Variants in C8orf89 observed in about 807,000 individuals in gnomAD.
The protein encoded by C8orf89 is putative uncharacterized protein C8orf89.
In C8orf89, 14 loss-of-function variants were observed where a neutral mutation model predicts 15.8. The ratio of observed to expected loss-of-function variants is 0.89; its 90% CI spans 0.59 to 1.39. C8orf89 has a LOEUF of 1.39. C8orf89 is among the 40% of genes most tolerant of loss of function. The probability of loss-of-function intolerance (pLI) is 0.00; values close to 1 mark genes in which losing one functional copy is unlikely to be tolerated. For synonymous variants in C8orf89, 55 were observed against 62.2 expected, an observed-to-expected ratio of 0.88 and a Z score of 0.54; for missense variants, 181 against 184.5, an observed-to-expected ratio of 0.98 and a Z score of 0.11.
intron 2 of C8orf89, among the ~76,000 whole-genome samples, chr8:73,255,303 G>A (rs1167200522): frequency 3.9e-5 from 6 of 152,166 alleles, no homozygotes; most frequent in African/African-American, 1.4e-4. Context: ...CAAAAAGTGG[G>A]CGAAGGACAC....
At chr8:73,254,578 T>C (rs1466042948) in intron 2 of C8orf89, among the ~76,000 whole-genome samples, 2 of 152,132 alleles carry the variant, frequency 1.3e-5, no homozygotes, top group Non-Finnish European at 2.9e-5. Flanking sequence ...TGCAGCTTTA[T>C]CCAGGGGACG....
chr8:73,284,634 A>T, the C8orf89 span, among the ~76,000 whole-genome samples: 1 of 152,222 alleles, frequency 6.6e-6, no homozygotes, highest in Non-Finnish European at 1.5e-5. Context: ...AACAAGGATT[A>T]AAAAGTAAAG....
chr8:73,252,956 A>C (rs1458948014), intron 2 of C8orf89, among the ~76,000 whole-genome samples: 1 of 152,194 alleles, frequency 6.6e-6, no homozygotes, highest in Non-Finnish European at 1.5e-5. Flanking sequence ...CCTGGCTAAC[A>C]GGGTGAAACC....
chr8:73,284,580 AAAC>A, the C8orf89 span, among the ~76,000 whole-genome samples: 1 of 152,170 alleles, frequency 6.6e-6, no homozygotes, highest in African/African-American at 2.4e-5. Flanking sequence ...TATGACCAAA[AAAC>A]AAAGGAAAAA....
chr8:73,281,901 T>C, the C8orf89 span, among the ~76,000 whole-genome samples: 1 of 152,236 alleles, frequency 6.6e-6, no homozygotes, highest in Non-Finnish European at 1.5e-5. Flanking sequence ...TAGTTTCTCC[T>C]TGCCTTTCTG....
At chr8:73,266,546 T>C in the C8orf89 span, among the ~76,000 whole-genome samples, 1 of 152,208 alleles carries the variant, frequency 6.6e-6, no homozygotes, top group African/African-American at 2.4e-5. Context: ...ACGTACAGGA[T>C]CTACCTTATG....
At chr8:73,285,332 G>A in the C8orf89 span, among the ~76,000 whole-genome samples, 1 of 152,140 alleles carries the variant, frequency 6.6e-6, no homozygotes, top group Non-Finnish European at 1.5e-5. Context: ...TCCGGCAGGC[G>A]GACCCGCTTC....
At chr8:73,278,395 T>G in the C8orf89 span, among the ~76,000 whole-genome samples, 30,498 of 152,106 alleles carry the variant, frequency 0.2, 3,134 homozygotes, top group Middle Eastern at 0.23. Context: ...CTCATTATTT[T>G]CTTTTTAAAA....
chr8:73,282,686 C>G, the C8orf89 span, among the ~76,000 whole-genome samples: 1 of 152,164 alleles, frequency 6.6e-6, no homozygotes, highest in Non-Finnish European at 1.5e-5. Flanking sequence ...GGTTTCTATT[C>G]ACAGCTATGC....
chr8:73,283,533 T>C, the C8orf89 span, among the ~76,000 whole-genome samples: 2 of 152,226 alleles, frequency 1.3e-5, no homozygotes, highest in South Asian at 4.1e-4. Context: ...TTCAGCACAG[T>C]ACCTGACATG....
At chr8:73,277,753 G>A in the C8orf89 span, 4 of 743,692 alleles carry the variant, frequency 5.4e-6, no homozygotes, top group Non-Finnish European at 7.6e-6. Flanking sequence ...ATGGGTTTTA[G>A]GGAGGACAGA....
the C8orf89 span, among the ~76,000 whole-genome samples, chr8:73,271,432 G>A: frequency 1.3e-5 from 2 of 152,234 alleles, no homozygotes; most frequent in East Asian, 3.9e-4. Flanking sequence ...TCAGGAGAGG[G>A]AGTTGTGATA....
chr8:73,256,883 T>G, intron 2 of C8orf89, 90 bp downstream of exon 2: 1 of 776,382 alleles, frequency 1.3e-6, no homozygotes, highest in Non-Finnish European at 1.8e-6. Context: ...CAAAAATGAA[T>G]GCAATTCACT....
chr8:73,276,358 A>G, the C8orf89 span, among the ~76,000 whole-genome samples: 1 of 152,020 alleles, frequency 6.6e-6, no homozygotes, highest in African/African-American at 2.4e-5. Flanking sequence ...TTGTATTTTT[A>G]GTAGAGACGG....
At chr8:73,267,005 C>T in the C8orf89 span, among the ~76,000 whole-genome samples, 2 of 152,056 alleles carry the variant, frequency 1.3e-5, no homozygotes, top group African/African-American at 4.8e-5. Context: ...TGCCAACTGA[C>T]CAAAGATAGG....
In C8orf89 at chr8:73,259,387, C is replaced by G; in HGVS notation, c.72G>C (p.Leu24Phe). ...KFTRSSFGSC[L>F]IFESSWKKAV... ...CTTTCTTCCAACTACTCTCAAAAAT[C>G]AAACAACTGCCAAAGGAACTTCTGG... Residue 24 changes from leucine (L) to phenylalanine (F), a missense_variant, in exon 1 of 4, where the codon TTG (leucine) becomes TTC (phenylalanine). Leu to Phe is a conservative substitution (Grantham distance 22). Coordinates refer to ENST00000624510, the MANE Select transcript of C8orf89 (RefSeq NM_001243237.3). 1 of 1,530,828 alleles carries G rather than the reference C, an allele frequency of 6.5e-7. No individual in the cohort carries two copies. The highest frequency in any genetic ancestry group is 8.8e-7 in the Non-Finnish European group (1 of 1,142,804). The allele number at this position is 1,530,828 out of a possible 1,614,324, so 94.8% of individuals were successfully genotyped here. A position where few individuals can be genotyped will look rare whatever the true frequency, so the allele number is the denominator to read the frequency against.
chr8:73,278,811 G>C, the C8orf89 span, among the ~76,000 whole-genome samples: 1 of 152,156 alleles, frequency 6.6e-6, no homozygotes, highest in Non-Finnish European at 1.5e-5. Context: ...AAGAAAGTGA[G>C]TTAATGAGTG....
the C8orf89 span, among the ~76,000 whole-genome samples, chr8:73,265,776 A>G: frequency 6.6e-6 from 1 of 152,182 alleles, no homozygotes; most frequent in African/African-American, 2.4e-5. Flanking sequence ...CAAATTCAAA[A>G]TGCCCCCAAA....
the C8orf89 span, among the ~76,000 whole-genome samples, chr8:73,264,672 G>A: frequency 0.01 from 1,567 of 152,154 alleles, 35 homozygotes; most frequent in African/African-American, 0.036. Context: ...TGTATTTTTG[G>A]TAGAGACAGT....
Sources: allele counts gnomAD v4.1 joint callset (sites outside exome capture counted in the v4.1 genomes callset), GRCh38; gene constraint gnomAD v4.1.1; transcripts MANE v1.5; gene names NCBI Gene and HGNC (gene_info 2026-07-23, HGNC 2026-07-21).